KSR2: variants seen among roughly 807,000 people sequenced by gnomAD.
KSR2 encodes kinase suppressor of ras 2.
In KSR2, 25 loss-of-function variants were observed where a neutral mutation model predicts 107.8. The ratio of observed to expected loss-of-function variants is 0.23; its 90% CI spans 0.17 to 0.32. KSR2 has a LOEUF of 0.32. Ranked by LOEUF, KSR2 falls within the 10% of genes least tolerant of loss-of-function variation. The pLI is 1.00. For synonymous variants in KSR2, 480 were observed against 507.0 expected (o/e 0.95, Z 0.71); for missense variants, 887 against 1,268.9 (o/e 0.70, Z 4.57).
chr12:117,907,402 T>G lies in KSR2; in HGVS notation c.181-46971A>C, dbSNP rs911278260. Among the ~76,000 whole-genome samples, 2 of 152,196 alleles carry G rather than the reference T, an allele frequency of 1.3e-5. No individual in the cohort carries two copies. The highest frequency in any genetic ancestry group is 4.8e-5 in the African/African-American group (2 of 41,454). On this transcript the variant is annotated intron_variant, in intron 1 of 19. Transcript: ENST00000339824. The surrounding 1 kb of genome is among the most constrained non-coding windows in gnomAD (Gnocchi z 4.3). ...CCTGTGAATCCAGGTGTGCTGGGTC[T>G]GCGTGCTCAAGACGACGCTCAGCAG... is the stretch of plus-strand genomic sequence containing the variant.
intron 5 of KSR2, among the ~76,000 whole-genome samples, chr12:117,607,648 G>GAGGAGAGGA (rs1565923705): frequency 3.4e-5 from 3 of 87,998 alleles, no homozygotes; most frequent in African/African-American, 6.0e-5. Flanking sequence ...CCCGGAGAGG[G>GAGGAGAGGA]GAGGAAAGGA....
At position 117,968,218 on chromosome 12, in the gene KSR2, T is replaced by C. The variant is rs1263151767; in HGVS notation, c.38A>G (p.Gln13Arg). ...EENMTKSEEQQPLSLQKALQQ... is the reference protein window; with the variant it reads ...EENMTKSEEQRPLSLQKALQQ... The stretch of plus-strand genomic sequence containing the variant: ...TAAGGCTTTTTGCAAACTCAGAGGC[T>C]GCTGCTCCTCGCTTTTCGTCATGTT... The change falls in exon 1 of 20, where the codon CAG (glutamine) becomes CGG (arginine). Residue 13 changes from glutamine to arginine, a missense_variant. Around this residue, in one of 8 missense-constraint regions of KSR2, gnomAD observed 32 missense variants for 25.9 expected, o/e 1.23. Coordinates refer to ENST00000339824, the MANE Select transcript of KSR2 (RefSeq NM_173598.6). The C allele has an allele frequency of 6.4e-7, 1 of 1,561,288 alleles. No individual in the cohort carries two copies. Among genetic ancestry groups the C allele is most frequent in the Admixed American group, 1.8e-5 (1 of 56,800 alleles).
chr12:117,587,907 G>A (rs572251147), intron 5 of KSR2, among the ~76,000 whole-genome samples: 1 of 152,016 alleles, frequency 6.6e-6, no homozygotes, highest in South Asian at 2.1e-4. Context: ...GGCTGTAACT[G>A]GAAAAAACAG....
chr12:117,918,645 G>T (rs914542473), intron 1 of KSR2, among the ~76,000 whole-genome samples: 1 of 151,656 alleles, frequency 6.6e-6, no homozygotes, highest in African/African-American at 2.4e-5. Context: ...AAAACTATCC[G>T]GGCGTGGTGG....
chr12:117,859,139 C>CT (rs34697963), intron 2 of KSR2, among the ~76,000 whole-genome samples: 2,511 of 81,104 alleles, frequency 0.031, 79 homozygotes, highest in Non-Finnish European at 0.036. Flanking sequence ...ATGAGCTGAA[C>CT]TTTTTTTTTT....
intron 1 of KSR2, among the ~76,000 whole-genome samples, chr12:117,949,486 A>C (rs981897518): frequency 6.6e-6 from 1 of 152,242 alleles, no homozygotes; most frequent in Non-Finnish European, 1.5e-5. Flanking sequence ...GTAAAGGAGA[A>C]TAGATCAGTG....
intron 12 of KSR2, among the ~76,000 whole-genome samples, chr12:117,529,589 A>G (rs1875465572): frequency 2.0e-5 from 3 of 152,248 alleles, no homozygotes; most frequent in Non-Finnish European, 4.4e-5. Context: ...GATGCTATGC[A>G]CAAAGATGTT....
intron 3 of KSR2, among the ~76,000 whole-genome samples, chr12:117,814,135 G>A (rs931393789): frequency 5.9e-5 from 9 of 152,068 alleles, no homozygotes; most frequent in East Asian, 1.9e-4. Flanking sequence ...AGTGGGATAC[G>A]GAGAGATTTA....
At chr12:117,902,495 T>TAAA (rs35386887) in intron 1 of KSR2, among the ~76,000 whole-genome samples, 2 of 102,506 alleles carry the variant, frequency 2.0e-5, no homozygotes, top group Non-Finnish European at 3.9e-5. Context: ...GACTCTGTCT[T>TAAA]AAAAAAAAAA....
intron 14 of KSR2, among the ~76,000 whole-genome samples, chr12:117,512,366 C>T (rs370226247): frequency 2.5e-4 from 38 of 152,316 alleles, no homozygotes; most frequent in African/African-American, 8.9e-4. Flanking sequence ...AGGAATGCTG[C>T]GTCCTCTTCT....
intron 14 of KSR2, among the ~76,000 whole-genome samples, chr12:117,509,092 G>A (rs927544004): frequency 6.6e-6 from 1 of 152,138 alleles, no homozygotes; most frequent in Non-Finnish European, 1.5e-5. Context: ...ATTCACTTCT[G>A]AGGGTTCAGC....
chr12:117,600,896 G>A (rs1417966504), intron 5 of KSR2, among the ~76,000 whole-genome samples: 1 of 152,218 alleles, frequency 6.6e-6, no homozygotes, highest in East Asian at 1.9e-4. Context: ...TCGAGTGGGG[G>A]CTGGGGACTC....
intron 3 of KSR2, among the ~76,000 whole-genome samples, chr12:117,794,262 C>G (rs1157031919): frequency 2.0e-5 from 2 of 102,500 alleles, no homozygotes; most frequent in South Asian, 8.3e-4. Context: ...CACACATACA[C>G]CAACATGCAC....
intron 4 of KSR2, among the ~76,000 whole-genome samples, chr12:117,730,304 C>G (rs559610362): frequency 6.6e-5 from 10 of 152,256 alleles, no homozygotes; most frequent in Non-Finnish European, 1.5e-4. Flanking sequence ...ATGATAAAAC[C>G]TACCTCGTGG....
intron 1 of KSR2, among the ~76,000 whole-genome samples, chr12:117,928,156 T>C (rs545644303): frequency 6.6e-6 from 1 of 151,212 alleles, no homozygotes; most frequent in African/African-American, 2.4e-5. Context: ...TTGTGTAGCA[T>C]GTGTCAGCAC....
rs144406601 is a variant in KSR2 at position 117,588,356 on chromosome 12, T to A, written c.1172-5997A>T. Among the ~76,000 whole-genome samples the A allele has an allele frequency of 2.9e-4, 44 of 152,236 alleles. No individual in the cohort carries two copies. In the East Asian group the frequency reaches 7.7e-3, roughly 27 times the overall value. On this transcript the variant is annotated intron_variant, in intron 5 of 19. Coordinates refer to ENST00000339824, the MANE Select transcript of KSR2 (RefSeq NM_173598.6). ...GCAGGGGAGGATAAAAAGGTAGCCA[T>A]GGGAAGAAGGCAAAGCCAGTTTTAA... is the stretch of plus-strand genomic sequence containing the variant.
At chr12:117,527,243 C>A in intron 12 of KSR2, 124 bp from the exon 13 acceptor site, 5 of 650,516 alleles carry the variant, frequency 7.7e-6, no homozygotes, top group Middle Eastern at 2.7e-4. Flanking sequence ...TCTCACATTT[C>A]ATTTCAACAG....
intron 5 of KSR2, among the ~76,000 whole-genome samples, chr12:117,635,155 T>C (rs1366071138): frequency 6.6e-6 from 1 of 152,192 alleles, no homozygotes; most frequent in African/African-American, 2.4e-5. Context: ...GCAAGTCTCC[T>C]GTCCCCTCAT....
chr12:117,729,140 CTTT>C (rs78615056), intron 4 of KSR2, among the ~76,000 whole-genome samples: 3 of 140,690 alleles, frequency 2.1e-5, no homozygotes, highest in Non-Finnish European at 3.1e-5. Context: ...CAGCAGGAAA[CTTT>C]TTTTTTTTTT....
Sources: gnomAD v4.1 joint callset for allele counts (sites outside exome capture counted in the v4.1 genomes callset) on GRCh38, gnomAD v4.1.1 for gene constraint, gnomAD v4.1.1 regional missense constraint, Gnocchi (gnomAD v3.1) non-coding constraint, MANE v1.5 for transcripts, NCBI Gene and HGNC (gene_info 2026-07-23, HGNC 2026-07-21) for gene names.